TMEM74: variants seen among roughly 807,000 people sequenced by gnomAD.
TMEM74 encodes transmembrane protein 74.
TMEM74 carries 13 observed loss-of-function variants against 18.1 expected under a neutral mutation model. The ratio of observed to expected loss-of-function variants is 0.72; its 90% CI spans 0.47 to 1.14. TMEM74 has a LOEUF of 1.14. Ranked by LOEUF, TMEM74 falls within the 50% of genes most tolerant of loss-of-function variation. The pLI, the probability that TMEM74 is intolerant of heterozygous loss-of-function variation, is 0.00. For missense variants in TMEM74, 372 were observed against 375.9 expected (o/e 0.99, Z 0.09); for synonymous variants, 159 against 146.6 (o/e 1.08, Z -0.61).
At chr8:108,701,656 A>G (rs1193264206) in intron 1 of TMEM74, among the ~76,000 whole-genome samples, 1 of 152,232 alleles carries the variant, frequency 6.6e-6, no homozygotes, top group Non-Finnish European at 1.5e-5. Flanking sequence ...AGCACACCCC[A>G]AAATGAAATA....
intron 2 of TMEM74, among the ~76,000 whole-genome samples, chr8:108,631,700 G>A (rs777896500): frequency 1.3e-5 from 2 of 151,966 alleles, no homozygotes; most frequent in African/African-American, 2.4e-5. Context: ...TTCTTTTGCT[G>A]TACAGAGGCT....
At chr8:108,706,438 A>G (rs924223018) in intron 1 of TMEM74, among the ~76,000 whole-genome samples, 2 of 152,188 alleles carry the variant, frequency 1.3e-5, no homozygotes, top group East Asian at 1.9e-4. Flanking sequence ...TCTTCCCTGC[A>G]TATCTACACA....
At chr8:108,639,928 A>G (rs1247504166) in intron 2 of TMEM74, among the ~76,000 whole-genome samples, 1 of 152,058 alleles carries the variant, frequency 6.6e-6, no homozygotes, top group Non-Finnish European at 1.5e-5. Context: ...ATTTAAAATA[A>G]TTTTAATTTA....
At chr8:108,778,446 C>T (rs1814261071), downstream of TMEM74, among the ~76,000 whole-genome samples, 1 of 152,180 alleles carries the variant, frequency 6.6e-6, no homozygotes, top group Non-Finnish European at 1.5e-5. Flanking sequence ...AACAGCATCA[C>T]TTAGCTTATT....
At chr8:108,640,730 G>A (rs1055005161) in intron 2 of TMEM74, among the ~76,000 whole-genome samples, 2 of 152,168 alleles carry the variant, frequency 1.3e-5, no homozygotes, top group East Asian at 3.9e-4. Flanking sequence ...CATTGGTTCA[G>A]AAAAATATTG....
At chr8:108,756,713 A>AAGG (rs1491302363) in intron 1 of TMEM74, among the ~76,000 whole-genome samples, 184 of 103,512 alleles carry the variant, frequency 1.8e-3, no homozygotes, top group East Asian at 5.2e-3. Context: ...GGAAAGAAAG[A>AAGG]AAGAAAGAGA....
intron 2 of TMEM74, among the ~76,000 whole-genome samples, chr8:108,644,601 A>G (rs1489511378): frequency 6.6e-6 from 1 of 152,186 alleles, no homozygotes. Context: ...CAAACTATGC[A>G]TCTGACAAAG....
chr8:108,674,603 A>G (rs931967700), intron 1 of TMEM74, among the ~76,000 whole-genome samples: 17 of 152,350 alleles, frequency 1.1e-4, no homozygotes, highest in Non-Finnish European at 2.1e-4. Flanking sequence ...CATGTGCTTA[A>G]GGTCAGGCCT....
chr8:108,647,346 C>G (rs766584299), intron 2 of TMEM74, among the ~76,000 whole-genome samples: 1 of 152,128 alleles, frequency 6.6e-6, no homozygotes, highest in Non-Finnish European at 1.5e-5. Flanking sequence ...AAATCAGCAT[C>G]CTTGGCAGCA....
At chr8:108,685,458 A>G (rs1813158016) in intron 1 of TMEM74, among the ~76,000 whole-genome samples, 1 of 152,150 alleles carries the variant, frequency 6.6e-6, no homozygotes, top group African/African-American at 2.4e-5. Flanking sequence ...TATTCTGGCT[A>G]GGACTTCCTC....
chr8:108,703,925 A>G (rs1327696900), intron 1 of TMEM74, among the ~76,000 whole-genome samples: 1 of 152,154 alleles, frequency 6.6e-6, no homozygotes, highest in Non-Finnish European at 1.5e-5. Context: ...CCCAATCTTC[A>G]TTGCTTTGAA....
intron 1 of TMEM74, among the ~76,000 whole-genome samples, chr8:108,702,927 T>TA (rs34327038): frequency 0.21 from 29,425 of 141,564 alleles, 2,969 homozygotes; most frequent in East Asian, 0.3. Context: ...GGAATTTTGT[T>TA]AAAAAAAAAA....
rs141331347 is a variant in TMEM74, at chr8:108,784,846, G to C, written c.253C>G (p.Leu85Val). ...TLQPDAFPPG[L>V]LHSGNNQITA... ...ATTTGGTTGTTCCCTGAGTGGAGAA[G>C]TCCTGGTGGAAAGGCATCTGGCTGA... is the stretch of plus-strand genomic sequence containing the variant. Residue 85 changes from leucine to valine, a missense_variant, in exon 2 of 2, where the codon CTT (leucine) becomes GTT (valine). Coordinates refer to ENST00000297459, the MANE Select transcript of TMEM74 (RefSeq NM_153015.3). 1.9e-5 allele frequency: 31 copies of C among 1,614,212 alleles called. No individual in the cohort carries two copies. Among genetic ancestry groups the C allele is most frequent in the Non-Finnish European group, 2.6e-5 (31 of 1,180,036 alleles).
At chr8:108,752,025 G>A (rs1473301781) in intron 1 of TMEM74, among the ~76,000 whole-genome samples, 1 of 149,034 alleles carries the variant, frequency 6.7e-6, no homozygotes, top group Non-Finnish European at 1.5e-5. Flanking sequence ...ACAGTGCCTG[G>A]GCAATCAATT....
At chr8:108,657,886 ATATATATATATATATATT>A (rs1812860104) in intron 1 of TMEM74, among the ~76,000 whole-genome samples, 1 of 119,876 alleles carries the variant, frequency 8.3e-6, no homozygotes, top group African/African-American at 3.4e-5. Flanking sequence ...ATATATATAT[ATATATATATATATATATT>A]AATTACATAT....
chr8:108,731,731 T>C (rs1267429032), intron 1 of TMEM74, among the ~76,000 whole-genome samples: 1 of 152,140 alleles, frequency 6.6e-6, no homozygotes. Context: ...TTGTCTGATA[T>C]TTAAAAAAAA....
chr8:108,696,876 T>C (rs1037938461), intron 1 of TMEM74, among the ~76,000 whole-genome samples: 2 of 152,222 alleles, frequency 1.3e-5, no homozygotes, highest in African/African-American at 4.8e-5. Flanking sequence ...TATCTTTTCA[T>C]TACTATACGT....
intron 2 of TMEM74, among the ~76,000 whole-genome samples, chr8:108,650,842 C>G (rs1482199604): frequency 6.6e-6 from 1 of 152,104 alleles, no homozygotes; most frequent in Non-Finnish European, 1.5e-5. Flanking sequence ...TCCTGAGTAG[C>G]TGGGATTATA....
chr8:108,615,858 C>T (rs1293044368), intron 2 of TMEM74, among the ~76,000 whole-genome samples: 2 of 126,282 alleles, frequency 1.6e-5, no homozygotes, highest in African/African-American at 6.1e-5. Context: ...GATCTCACTG[C>T]TCACTGCAAC....
Sources: allele counts gnomAD v4.1 joint callset (sites outside exome capture counted in the v4.1 genomes callset), GRCh38; gene constraint gnomAD v4.1.1; transcripts MANE v1.5; gene names NCBI Gene and HGNC (gene_info 2026-07-23, HGNC 2026-07-21).